RANBP2: variants seen among roughly 807,000 people sequenced by gnomAD.
RANBP2 encodes the protein RAN binding protein 2, also known as E3 SUMO-protein ligase RanBP2.
Under a neutral mutation model 303.6 loss-of-function variants are expected in RANBP2, and 57 were observed. The observed-to-expected ratio is 0.19, with a 90% CI of 0.15 to 0.23. RANBP2 has a LOEUF of 0.23. Among genes scored for constraint, RANBP2 ranks in the 10% least tolerant of loss-of-function variants. The pLI, the probability that RANBP2 is intolerant of heterozygous loss-of-function variation, is 1.00. For synonymous variants in RANBP2, 1,167 were observed against 1,301.5 expected (o/e 0.90, Z 2.23); for missense variants, 3,138 against 3,780.8 (o/e 0.83, Z 4.46).
chr2:108,990,173 T>C, the RANBP2 span, among the ~76,000 whole-genome samples: 1 of 152,038 alleles, frequency 6.6e-6, no homozygotes, highest in South Asian at 2.1e-4. Context: ...GGCTCACGCC[T>C]GTAATCCCAG....
the RANBP2 span, among the ~76,000 whole-genome samples, chr2:109,164,201 T>A: frequency 4.6e-5 from 7 of 152,120 alleles, no homozygotes; most frequent in Admixed American, 6.6e-5. Context: ...TTTAAAGAGT[T>A]GGGGCCTTGC....
At chr2:108,852,592 T>A in the RANBP2 span, among the ~76,000 whole-genome samples, 1 of 152,214 alleles carries the variant, frequency 6.6e-6, no homozygotes, top group South Asian at 2.1e-4. Flanking sequence ...TGAGATTATG[T>A]CCTTTGCAGG....
At chr2:108,746,314 A>G (rs1696519420) in intron 7 of RANBP2, among the ~76,000 whole-genome samples, 1 of 149,300 alleles carries the variant, frequency 6.7e-6, no homozygotes, top group East Asian at 2.0e-4. Flanking sequence ...CCAGGTTCAA[A>G]CTATCCTTGT....
At chr2:109,530,712 A>C in the RANBP2 span, among the ~76,000 whole-genome samples, 1 of 152,192 alleles carries the variant, frequency 6.6e-6, no homozygotes, top group East Asian at 1.9e-4. Context: ...TACACACTGA[A>C]AATTGAATTA....
the RANBP2 span, among the ~76,000 whole-genome samples, chr2:109,116,560 T>C: frequency 1.3e-5 from 2 of 152,370 alleles, no homozygotes; most frequent in Admixed American, 1.3e-4. Context: ...TTTCAACTTC[T>C]TTGCCTTTGG....
the RANBP2 span, among the ~76,000 whole-genome samples, chr2:109,037,736 A>G: frequency 6.6e-6 from 1 of 152,222 alleles, no homozygotes; most frequent in Non-Finnish European, 1.5e-5. Flanking sequence ...ATACTTGGGC[A>G]TGAATATAAC....
At chr2:108,833,135 T>C in the RANBP2 span, among the ~76,000 whole-genome samples, 9 of 152,310 alleles carry the variant, frequency 5.9e-5, no homozygotes, top group African/African-American at 2.2e-4. Context: ...GCACAGGCAA[T>C]GTTTAGGACA....
At chr2:108,831,657 C>T in the RANBP2 span, among the ~76,000 whole-genome samples, 1 of 150,840 alleles carries the variant, frequency 6.6e-6, no homozygotes, top group Non-Finnish European at 1.5e-5. Context: ...TTCCTAGGTT[C>T]TATCCCTGGA....
At chr2:109,424,562 C>T in the RANBP2 span, among the ~76,000 whole-genome samples, 2 of 152,208 alleles carry the variant, frequency 1.3e-5, no homozygotes, top group African/African-American at 4.8e-5. Flanking sequence ...GTGCTCACTT[C>T]GAGTCTCTGT....
intron 19 of RANBP2, among the ~76,000 whole-genome samples, chr2:108,762,571 C>G (rs1327979819): frequency 9.2e-6 from 1 of 108,128 alleles, no homozygotes; most frequent in Non-Finnish European, 1.9e-5. Flanking sequence ...AATGTGACAG[C>G]TTTGAGGACA....
the RANBP2 span, chr2:108,908,087 T>C: frequency 6.7e-7 from 1 of 1,493,260 alleles, no homozygotes; most frequent in Non-Finnish European, 9.0e-7. Context: ...AGTTCTCCTG[T>C]GGTGAACTTG....
the RANBP2 span, among the ~76,000 whole-genome samples, chr2:109,684,777 C>T: frequency 3.3e-5 from 5 of 151,624 alleles, no homozygotes; most frequent in African/African-American, 4.9e-5. Flanking sequence ...TCAGGTGATC[C>T]GCCCGCCTCG....
chr2:109,609,683 A>G, the RANBP2 span, among the ~76,000 whole-genome samples: 1 of 152,156 alleles, frequency 6.6e-6, no homozygotes, highest in South Asian at 2.1e-4. Flanking sequence ...AAGTAAAACA[A>G]ATGAGAAGCC....
the RANBP2 span, chr2:109,614,198 C>A: frequency 9.0e-7 from 1 of 1,111,002 alleles, no homozygotes; most frequent in Non-Finnish European, 1.1e-6. Flanking sequence ...CCTCGCGAGG[C>A]CGGAAGTGGG....
chr2:108,829,398 A>G, the RANBP2 span, among the ~76,000 whole-genome samples: 2 of 152,152 alleles, frequency 1.3e-5, no homozygotes, highest in African/African-American at 2.4e-5. Flanking sequence ...TAACATCACT[A>G]CTCTCTAAGG....
the RANBP2 span, among the ~76,000 whole-genome samples, chr2:109,364,337 T>A: frequency 5.3e-5 from 8 of 152,280 alleles, no homozygotes; most frequent in South Asian, 1.7e-3. Flanking sequence ...CTTTTCTGGC[T>A]CTTTATCTTT....
the RANBP2 span, among the ~76,000 whole-genome samples, chr2:109,375,248 C>T: frequency 1.3e-5 from 2 of 152,256 alleles, no homozygotes; most frequent in Non-Finnish European, 2.9e-5. Context: ...CTCCAGCCAC[C>T]GTCCCATGCC....
chr2:109,694,801 ATGTGTGTG>A, the RANBP2 span, among the ~76,000 whole-genome samples: 830 of 145,848 alleles, frequency 5.7e-3, no homozygotes, highest in Middle Eastern at 0.024. Context: ...ATCCATAGGG[ATGTGTGTG>A]TGTGTGTGTG....
At chr2:109,072,664 T>A in the RANBP2 span, among the ~76,000 whole-genome samples, 1 of 152,200 alleles carries the variant, frequency 6.6e-6, no homozygotes, top group Non-Finnish European at 1.5e-5. Flanking sequence ...GCAGTCTGAA[T>A]GAGCATGCAG....
Sources: gnomAD v4.1 joint callset for allele counts (sites outside exome capture counted in the v4.1 genomes callset) on GRCh38, gnomAD v4.1.1 for gene constraint, MANE v1.5 for transcripts, NCBI Gene and HGNC (gene_info 2026-07-23, HGNC 2026-07-21) for gene names.